SNRPN: variants seen among roughly 807,000 people sequenced by gnomAD.
SNRPN encodes the protein small nuclear ribonucleoprotein-associated protein N.
A neutral mutation model predicts 25.2 loss-of-function variants in SNRPN; 7 were observed. The observed-to-expected ratio is 0.28, with a 90% CI of 0.16 to 0.52. The LOEUF (loss-of-function observed/expected upper bound fraction) is 0.52, where lower values mean the gene tolerates loss of function less well. SNRPN is among the 20% of genes least tolerant of loss of function. The probability of loss-of-function intolerance (pLI) is 0.96; values close to 1 mark genes in which losing one functional copy is unlikely to be tolerated. For synonymous variants in SNRPN, 124 were observed against 110.6 expected (o/e 1.12, Z -0.76); for missense variants, 196 against 322.5 (o/e 0.61, Z 3.00).
At chr15:24,878,099 T>C (rs2149343491) in intron 1 of SNRPN, among the ~76,000 whole-genome samples, 1 of 152,340 alleles carries the variant, frequency 6.6e-6, no homozygotes, top group Admixed American at 6.5e-5. Flanking sequence ...AGTGTGTGTT[T>C]CCATACATAT....
At chr15:24,885,008 A>G (rs771591483) in intron 1 of SNRPN, among the ~76,000 whole-genome samples, 2 of 152,216 alleles carry the variant, frequency 1.3e-5, no homozygotes, top group Non-Finnish European at 2.9e-5. Context: ...TGTCTTGTCT[A>G]TGTAAAGACT....
Position 24,955,013 on chromosome 15 carries a change from C to T in SNRPN, c.-440C>T, listed in dbSNP as rs1025679248. ...CAGAGTGGAGCGGCCGCCGGAGATG[C>T]CTGACGCATCTGTCTGAGGAGCGGT... On this transcript the variant is annotated 5_prime_UTR_variant, in exon 1 of 10. Coordinates refer to ENST00000390687, the MANE Select transcript of SNRPN (RefSeq NM_003097.6). The T allele has an allele frequency of 1.9e-6, 3 of 1,612,018 alleles. No individual in the cohort carries two copies. The highest frequency in any genetic ancestry group is 2.0e-4 in the Middle Eastern group (1 of 4,940).
At chr15:24,938,545 GATTACAT>G (rs943329413) in intron 3 of SNRPN, among the ~76,000 whole-genome samples, 11 of 151,548 alleles carry the variant, frequency 7.3e-5, no homozygotes, top group Admixed American at 5.3e-4. Context: ...AAAGTGCTGG[GATTACAT>G]GTGTGAGCCA....
chr15:24,940,951 C>T (rs2153042244), intron 3 of SNRPN, among the ~76,000 whole-genome samples: 1 of 152,254 alleles, frequency 6.6e-6, no homozygotes, highest in South Asian at 2.1e-4. Flanking sequence ...AATTCCCTCT[C>T]TTCCTCAAGA....
intron 2 of SNRPN, among the ~76,000 whole-genome samples, chr15:24,915,451 C>G (rs2059454358): frequency 6.6e-6 from 1 of 152,106 alleles, no homozygotes. Flanking sequence ...GATAAACAGA[C>G]TTCCTTGTTA....
intron 1 of SNRPN, among the ~76,000 whole-genome samples, chr15:24,885,913 C>G (rs1174415500): frequency 6.6e-6 from 1 of 152,028 alleles, no homozygotes; most frequent in Non-Finnish European, 1.5e-5. Context: ...GTGAACAGAC[C>G]AGAACTCTTC....
intron 6 of SNRPN, 96 bp from the exon 7 acceptor site, chr15:24,976,781 C>A: frequency 9.1e-7 from 1 of 1,102,364 alleles, no homozygotes; most frequent in Non-Finnish European, 1.3e-6. Flanking sequence ...AGATAGGTGT[C>A]ATGGGAAAAT....
At chr15:24,928,773 T>G (rs1054825549) in intron 3 of SNRPN, among the ~76,000 whole-genome samples, 2 of 151,756 alleles carry the variant, frequency 1.3e-5, no homozygotes, top group Non-Finnish European at 2.9e-5. Context: ...GCCTAGCTAT[T>G]TTTTTTTAAT....
chr15:24,879,448 A>AAAT (rs1373628891), intron 1 of SNRPN, among the ~76,000 whole-genome samples: 1 of 151,868 alleles, frequency 6.6e-6, no homozygotes, highest in Non-Finnish European at 1.5e-5. Flanking sequence ...ACAAAAAAAA[A>AAAT]AGAAAGAAAG....
upstream of SNRPN, among the ~76,000 whole-genome samples, chr15:24,954,018 G>A (rs1278468370): frequency 6.6e-6 from 1 of 152,092 alleles, no homozygotes; most frequent in African/African-American, 2.4e-5. Flanking sequence ...TCCCTTCTTC[G>A]ATAATGGGCA....
chr15:24,878,745 TTA>T (rs1372866275), intron 1 of SNRPN, among the ~76,000 whole-genome samples: 3 of 152,174 alleles, frequency 2.0e-5, no homozygotes, highest in South Asian at 2.1e-4. Flanking sequence ...ATTAACAATT[TTA>T]TCTTTTTTGC....
chr15:24,879,997 G>C (rs185580007), intron 1 of SNRPN, among the ~76,000 whole-genome samples: 1 of 152,260 alleles, frequency 6.6e-6, no homozygotes, highest in East Asian at 1.9e-4. Context: ...CATTTCCCAA[G>C]CATCTTTCCT....
chr15:24,968,536 T>A (rs1403912315), intron 3 of SNRPN: 1 of 154,940 alleles, frequency 6.5e-6, no homozygotes, highest in Non-Finnish European at 1.4e-5. Context: ...TAAGGTACAT[T>A]TTTCTAAATT....
intron 1 of SNRPN, among the ~76,000 whole-genome samples, chr15:24,881,178 A>G (rs2056551107): frequency 6.6e-6 from 1 of 152,068 alleles, no homozygotes; most frequent in African/African-American, 2.4e-5. Context: ...TCAAGAGGGA[A>G]TTCAAGCATA....
At chr15:24,867,154 AT>A (rs2148388977) in intron 1 of SNRPN, among the ~76,000 whole-genome samples, 1 of 152,162 alleles carries the variant, frequency 6.6e-6, no homozygotes, top group East Asian at 1.9e-4. Context: ...CAGCGTTGGG[AT>A]TGCTAGATCT....
chr15:24,938,399 A>G (rs2061366693), intron 3 of SNRPN, among the ~76,000 whole-genome samples: 1 of 152,156 alleles, frequency 6.6e-6, no homozygotes, highest in Non-Finnish European at 1.5e-5. Context: ...AAGTGCTGGT[A>G]TTACAGGTGT....
intron 3 of SNRPN, among the ~76,000 whole-genome samples, chr15:24,935,239 T>C (rs888300061): frequency 6.6e-6 from 1 of 150,980 alleles, no homozygotes; most frequent in African/African-American, 2.5e-5. Flanking sequence ...GCCGCTACAC[T>C]CCAGCATGGG....
intron 2 of SNRPN, chr15:24,909,613 C>T: frequency 2.4e-6 from 3 of 1,225,400 alleles, no homozygotes; most frequent in Non-Finnish European, 3.6e-6. Flanking sequence ...TCATATCCCC[C>T]TCTATATGGG....
At position 24,858,536 on chromosome 15, in the gene SNRPN, C is replaced by T. The variant is rs776786933; in HGVS notation, c.-579+1820C>T. Among the ~76,000 whole-genome samples the T allele has an allele frequency of 2.0e-5, 3 of 151,972 alleles. No individual in the cohort carries two copies. In the South Asian group the frequency reaches 6.2e-4, roughly 32 times the overall value. On this transcript the variant is annotated intron_variant, in intron 1 of 11. Transcript: ENST00000400097. ...CCAGGAGCCTGGCACAGTGGTCACACCTGTAATCCCAGCACTTTGGGAGGC... is the reference window on the plus strand; with the variant it reads ...CCAGGAGCCTGGCACAGTGGTCACATCTGTAATCCCAGCACTTTGGGAGGC...
Sources: gnomAD v4.1 joint callset for allele counts (sites outside exome capture counted in the v4.1 genomes callset) on GRCh38, gnomAD v4.1.1 for gene constraint, MANE v1.5 for transcripts, NCBI Gene and HGNC (gene_info 2026-07-23, HGNC 2026-07-21) for gene names.